SREBF2: variants seen among roughly 807,000 people sequenced by gnomAD.
SREBF2 encodes the protein sterol regulatory element binding transcription factor 2.
In SREBF2, 55 loss-of-function variants were observed where a neutral mutation model predicts 113.1. The ratio of observed to expected loss-of-function variants is 0.49; its 90% CI spans 0.39 to 0.61. The LOEUF is 0.61. Among genes scored for constraint, SREBF2 ranks in the 20% least tolerant of loss-of-function variants. The pLI, the probability that SREBF2 is intolerant of heterozygous loss-of-function variation, is 0.00. For synonymous variants in SREBF2, 593 were observed against 605.7 expected (o/e 0.98, Z 0.31); for missense variants, 1,349 against 1,487.4 (o/e 0.91, Z 1.53).
rs757293232 is a variant in SREBF2, at chr22:41,884,854, C to T, written c.2051C>T (p.Ala684Val). ...HQLHITGKLP[A>V]GSACSDVHMA... is the part of the protein sequence containing the mutation. The stretch of plus-strand genomic sequence containing the variant: ...CTGCCCACCCTAGGGAAGCTTCCTG[C>T]AGGATCCGCCTGTTCCGATGTACAC... Residue 684 changes from alanine (A) to valine (V), a missense_variant, in exon 11 of 19, where the codon GCA becomes GTA. This residue lies in a region of SREBF2 where 650 missense variants were observed against 644.1 expected (regional missense o/e 1.01). Coordinates refer to ENST00000361204, the MANE Select transcript of SREBF2 (RefSeq NM_004599.4). The T allele has an allele frequency of 1.2e-5, 19 of 1,614,066 alleles. No homozygotes were observed. Among genetic ancestry groups the T allele is most frequent in the African/African-American group, 2.7e-5 (2 of 74,906 alleles).
intron 9 of SREBF2, among the ~76,000 whole-genome samples, chr22:41,880,192 T>C (rs1483860443): frequency 6.6e-6 from 1 of 152,172 alleles, no homozygotes; most frequent in Non-Finnish European, 1.5e-5. Flanking sequence ...GGGGCCACAC[T>C]TTGAGACCCT....
chr22:41,902,159 A>T (rs1248360381), intron 16 of SREBF2, among the ~76,000 whole-genome samples: 1 of 152,222 alleles, frequency 6.6e-6, no homozygotes, highest in Non-Finnish European at 1.5e-5. Flanking sequence ...GATGAGGCTC[A>T]GCCTGAGGGA....
intron 1 of SREBF2, among the ~76,000 whole-genome samples, chr22:41,853,213 A>G (rs1210027737): frequency 6.6e-6 from 1 of 151,822 alleles, no homozygotes; most frequent in Admixed American, 6.6e-5. Flanking sequence ...TCATTTTTTC[A>G]TTTCACCACC....
chr22:41,878,833 A>G lies in SREBF2; in HGVS notation c.1761+710A>G, dbSNP rs141899642. ...GTGAGAATCTGATTGGCCATCCTGG[A>G]TCTGTCAGCCTTGCTGGGGCTATGG... is the stretch of plus-strand genomic sequence containing the variant. On this transcript the variant is annotated intron_variant, in intron 9 of 18. Transcript: ENST00000361204. The G allele has an allele frequency of 1.5e-3, 1,473 of 1,002,060 alleles. 3 individuals carry two copies. Among genetic ancestry groups the G allele is most frequent in the Non-Finnish European group, 1.7e-3 (1,234 of 717,284 alleles). The allele number at this position is 1,002,060 out of a possible 1,614,324, so 62.1% of individuals were successfully genotyped here.
At position 41,894,950 on chromosome 22, in the gene SREBF2, G is replaced by C. The variant is rs765120520; in HGVS notation, c.2495+13G>C. On this transcript the variant is annotated intron_variant, in intron 13 of 18. Transcript: ENST00000361204. ...AAGAAGAGAGCTGGTAAAGTCCCCA[G>C]ACCAGTCCCCCTGCCTTAGGACCTG... 3.1e-6 allele frequency: 5 copies of C among 1,609,498 alleles called. No individual in the cohort carries two copies. Among genetic ancestry groups the C allele is most frequent in the South Asian group, 2.2e-5 (2 of 90,942 alleles).
chr22:41,876,695 T>C (rs1235631632), intron 7 of SREBF2, among the ~76,000 whole-genome samples: 1 of 152,186 alleles, frequency 6.6e-6, no homozygotes, highest in Non-Finnish European at 1.5e-5. Context: ...TGAGGTGTAA[T>C]TTAAATGCAA....
At chr22:41,893,393 G>C (rs2077382773) in intron 12 of SREBF2, 108 bp downstream of exon 12, 1 of 1,251,242 alleles carries the variant, frequency 8.0e-7, no homozygotes, top group Non-Finnish European at 1.2e-6. Context: ...TCTTAATCTT[G>C]TTGAGTCCGT....
chr22:41,861,115 A>G (rs1033235825), intron 1 of SREBF2, among the ~76,000 whole-genome samples: 3 of 152,204 alleles, frequency 2.0e-5, no homozygotes, highest in Non-Finnish European at 4.4e-5. Flanking sequence ...TTGTAAAACA[A>G]TTTGCATGCA....
At chr22:41,903,374 C>T (rs971113393) in intron 17 of SREBF2, among the ~76,000 whole-genome samples, 4 of 152,214 alleles carry the variant, frequency 2.6e-5, no homozygotes, top group African/African-American at 9.6e-5. Context: ...TATGCCTGGC[C>T]CTGGAGCTCA....
chr22:41,833,282 C>T lies in SREBF2; in HGVS notation c.12C>T (p.Ser4=), dbSNP rs995439997. 4 of 1,338,398 alleles carry T rather than the reference C, an allele frequency of 3.0e-6. No individual in the cohort carries two copies. Among genetic ancestry groups the T allele is most frequent in the Admixed American group, 2.4e-5 (1 of 42,294 alleles). 82.9% of individuals were successfully genotyped at this position (1,338,398 alleles called of 1,614,324 possible). Residue 4 remains serine, a synonymous_variant, in exon 1 of 19, where the codon AGC becomes AGT. Coordinates refer to ENST00000361204, the MANE Select transcript of SREBF2 (RefSeq NM_004599.4). This position sits in a 1 kb window ranked among gnomAD's most constrained non-coding sequence, Gnocchi z 4.1. ...CGCTGAGCCGGGCGATGGACGACAGCGGCGAGCTGGGTGGTCTGGAGACCA... is the reference window on the plus strand; with the variant it reads ...CGCTGAGCCGGGCGATGGACGACAGTGGCGAGCTGGGTGGTCTGGAGACCA... MDD[S]GELGGLETME... is the part of the protein sequence containing the mutation.
chr22:41,855,006 G>A (rs1039047562), intron 1 of SREBF2, among the ~76,000 whole-genome samples: 11 of 149,130 alleles, frequency 7.4e-5, no homozygotes, highest in Non-Finnish European at 1.6e-4. Context: ...GGACCAACAG[G>A]CATGTGCAGC....
At chr22:41,851,832 AC>A (rs1320031689) in intron 1 of SREBF2, among the ~76,000 whole-genome samples, 2 of 151,588 alleles carry the variant, frequency 1.3e-5, no homozygotes, top group Non-Finnish European at 2.9e-5. Flanking sequence ...TAAAAAAAAA[AC>A]AAAGCGGCCG....
At chr22:41,898,995 A>T (rs529085720) in intron 15 of SREBF2, 1 of 717,988 alleles carries the variant, frequency 1.4e-6, no homozygotes, top group African/African-American at 1.7e-5. Flanking sequence ...GCACAACACG[A>T]CAGTTGTCCC....
At chr22:41,905,265 G>A (rs1350046576) in intron 18 of SREBF2, among the ~76,000 whole-genome samples, 175 bp from the exon 19 acceptor site, 2 of 152,224 alleles carry the variant, frequency 1.3e-5, no homozygotes, top group African/African-American at 2.4e-5. Flanking sequence ...GCCCCACCAC[G>A]GGCTGGCCGT....
chr22:41,837,799 A>G (rs1262244522), intron 1 of SREBF2, among the ~76,000 whole-genome samples: 1 of 150,764 alleles, frequency 6.6e-6, no homozygotes, highest in East Asian at 1.9e-4. Flanking sequence ...CAGAGGTTGC[A>G]GTGAGCCGAG....
Position 41,904,964 on chromosome 22 carries a change from C to A in SREBF2, c.3195C>A (p.Ser1065Arg). The change falls in exon 18 of 19, where the codon AGC becomes AGA. Residue 1065 changes from serine to arginine, a missense_variant. Around this residue, in one of 2 missense-constraint regions of SREBF2, gnomAD observed 650 missense variants for 644.1 expected, o/e 1.01. Coordinates refer to ENST00000361204, the MANE Select transcript of SREBF2 (RefSeq NM_004599.4). ...EHSLRRRTTQ[S>R]TKHGEVDAWP... The stretch of plus-strand genomic sequence containing the variant: ...GCCTGCGGCGGCGCACCACGCAGAG[C>A]ACCAAGCACGGTGAGTCCACCCCTC... The A allele has an allele frequency of 3.8e-6, 6 of 1,594,724 alleles. No individual in the cohort carries two copies. The highest frequency in any genetic ancestry group is 5.1e-6 in the Non-Finnish European group (6 of 1,175,436).
rs376693466 is a variant in SREBF2 at position 41,904,963 on chromosome 22, G to A, written c.3194G>A (p.Ser1065Asn). The change falls in exon 18 of 19, where the codon AGC becomes AAC. Residue 1065 changes from serine to asparagine, a missense_variant. By Grantham distance (46) the Ser-to-Asn change is conservative (BLOSUM62 1). Coordinates refer to ENST00000361204, the MANE Select transcript of SREBF2 (RefSeq NM_004599.4). ...AGCCTGCGGCGGCGCACCACGCAGAGCACCAAGCACGGTGAGTCCACCCCT... is the reference window on the plus strand; with the variant it reads ...AGCCTGCGGCGGCGCACCACGCAGAACACCAAGCACGGTGAGTCCACCCCT... The part of the protein sequence containing the change: ...EHSLRRRTTQ[S>N]TKHGEVDAWP... 3.1e-6 allele frequency: 5 copies of A among 1,594,580 alleles called. No homozygotes were observed. The highest frequency in any genetic ancestry group is 1.3e-5 in the African/African-American group (1 of 74,768).
At chr22:41,877,128 T>G (rs577142373) in intron 7 of SREBF2, 101 bp from the exon 8 acceptor site, 1 of 1,255,928 alleles carries the variant, frequency 8.0e-7, no homozygotes, top group East Asian at 2.5e-5. Flanking sequence ...TCGACTTGAA[T>G]TTAAACCTCA....
At chr22:41,903,666 T>C (rs540757187) in intron 17 of SREBF2, among the ~76,000 whole-genome samples, 4 of 152,244 alleles carry the variant, frequency 2.6e-5, no homozygotes, top group Non-Finnish European at 4.4e-5. Flanking sequence ...ATTTCCTTTT[T>C]TGTTTATTTG....
Sources: allele counts gnomAD v4.1 joint callset (sites outside exome capture counted in the v4.1 genomes callset), GRCh38; gene constraint gnomAD v4.1.1; regional missense constraint gnomAD v4.1.1; non-coding constraint Gnocchi (gnomAD v3.1); transcripts MANE v1.5; gene names NCBI Gene and HGNC (gene_info 2026-07-23, HGNC 2026-07-21).